CFAP299: variants seen among roughly 807,000 people sequenced by gnomAD.
CFAP299 encodes cilia and flagella associated protein 299, also known as cilia- and flagella-associated protein 299.
CFAP299 carries 21 observed loss-of-function variants against 27.0 expected under a neutral mutation model. The ratio of observed to expected loss-of-function variants is 0.78; its 90% confidence interval spans 0.55 to 1.12. CFAP299 has a LOEUF of 1.12. Ranked by LOEUF, CFAP299 falls within the 50% of genes most tolerant of loss-of-function variation. CFAP299 has a pLI of 0.00. For missense variants in CFAP299, 310 were observed against 276.6 expected (o/e 1.12, Z -0.86); for synonymous variants, 104 against 98.1 (o/e 1.06, Z -0.36).
At chr4:80,778,621 A>G (rs778534323) in intron 3 of CFAP299, among the ~76,000 whole-genome samples, 12 of 152,002 alleles carry the variant, frequency 7.9e-5, no homozygotes, top group Non-Finnish European at 1.5e-4. Context: ...TCTTCTATCC[A>G]TATCGCATGC....
intron 3 of CFAP299, among the ~76,000 whole-genome samples, chr4:80,758,689 A>G (rs919367716): frequency 3.9e-5 from 6 of 152,212 alleles, no homozygotes; most frequent in African/African-American, 1.4e-4. Flanking sequence ...AAATGGCAGC[A>G]TTTTGGTCTT....
chr4:80,341,847 T>C (rs941871642), intron 1 of CFAP299, among the ~76,000 whole-genome samples: 2 of 152,180 alleles, frequency 1.3e-5, no homozygotes, highest in African/African-American at 4.8e-5. Context: ...AGAGGTAGGC[T>C]TCACAAGTTG....
intron 2 of CFAP299, among the ~76,000 whole-genome samples, chr4:80,437,410 T>A (rs1221042389): frequency 6.6e-6 from 1 of 152,188 alleles, no homozygotes; most frequent in Non-Finnish European, 1.5e-5. Context: ...AAGGTCAATT[T>A]ATTATTCACA....
At chr4:80,779,441 CG>C (rs1391580084) in intron 3 of CFAP299, among the ~76,000 whole-genome samples, 1 of 152,032 alleles carries the variant, frequency 6.6e-6, no homozygotes, top group Non-Finnish European at 1.5e-5. Flanking sequence ...AAATTAAATG[CG>C]ACCAGGCAAG....
At chr4:80,375,174 G>A (rs1431414603) in intron 2 of CFAP299, among the ~76,000 whole-genome samples, 1 of 152,152 alleles carries the variant, frequency 6.6e-6, no homozygotes, top group Non-Finnish European at 1.5e-5. Context: ...GACATATTGT[G>A]TGAAACCAGA....
intron 2 of CFAP299, among the ~76,000 whole-genome samples, chr4:80,542,008 C>T (rs1734016915): frequency 6.6e-6 from 1 of 151,824 alleles, no homozygotes; most frequent in African/African-American, 2.4e-5. Flanking sequence ...AAGGCATATT[C>T]ATAAGAAAAA....
intron 3 of CFAP299, among the ~76,000 whole-genome samples, chr4:80,688,034 G>T (rs1317923037): frequency 6.6e-6 from 1 of 152,226 alleles, no homozygotes; most frequent in Non-Finnish European, 1.5e-5. Context: ...GGCTCGGAGG[G>T]TCCTACACCC....
chr4:80,816,142 T>A lies in CFAP299; in HGVS notation c.334-53851T>A, dbSNP rs377683240. On this transcript the variant is annotated intron_variant, in intron 3 of 5. Transcript: ENST00000358105. The stretch of plus-strand genomic sequence containing the variant: ...AGTACATCAAAATATGAGAATAAGA[T>A]TTAAAAAACAGATACCCTCTTTGGA... Among the ~76,000 whole-genome samples, 23 of 152,038 alleles carry A rather than the reference T, an allele frequency of 1.5e-4. 1 individual carries two copies. Among genetic ancestry groups the A allele is most frequent in the South Asian group, 1.5e-3 (7 of 4,824 alleles).
At chr4:80,501,759 AC>A (rs1366443814) in intron 2 of CFAP299, among the ~76,000 whole-genome samples, 4 of 151,676 alleles carry the variant, frequency 2.6e-5, no homozygotes, top group Non-Finnish European at 5.9e-5. Context: ...AAAATTTGTC[AC>A]CTTTACTTTT....
intron 1 of CFAP299, among the ~76,000 whole-genome samples, chr4:80,361,348 A>G (rs1336965026): frequency 6.6e-6 from 1 of 152,242 alleles, no homozygotes; most frequent in African/African-American, 2.4e-5. Context: ...AGGAATTTAT[A>G]TTCCTACAGA....
At chr4:80,505,493 T>G (rs1308287854) in intron 2 of CFAP299, among the ~76,000 whole-genome samples, 1 of 152,220 alleles carries the variant, frequency 6.6e-6, no homozygotes, top group Non-Finnish European at 1.5e-5. Flanking sequence ...AAAAAAGGAC[T>G]ATTGTAGAAA....
chr4:80,781,370 G>T (rs559302444), intron 3 of CFAP299, among the ~76,000 whole-genome samples: 2 of 152,134 alleles, frequency 1.3e-5, no homozygotes, highest in African/African-American at 2.4e-5. Flanking sequence ...AATAAGAGAG[G>T]TGTATGTGAT....
At chr4:80,398,641 A>T (rs1426873397) in intron 2 of CFAP299, among the ~76,000 whole-genome samples, 6 of 152,222 alleles carry the variant, frequency 3.9e-5, no homozygotes, top group Admixed American at 3.9e-4. Context: ...GGCCACATGT[A>T]GAAAGCTGAA....
At chr4:80,932,702 A>G (rs1736681171) in intron 4 of CFAP299, among the ~76,000 whole-genome samples, 1 of 152,158 alleles carries the variant, frequency 6.6e-6, no homozygotes, top group Non-Finnish European at 1.5e-5. Context: ...CTATGGCAAA[A>G]CTTTGGAAGC....
intron 3 of CFAP299, among the ~76,000 whole-genome samples, chr4:80,612,021 T>G (rs911071131): frequency 2.0e-5 from 3 of 152,126 alleles, no homozygotes; most frequent in Non-Finnish European, 1.5e-5. Flanking sequence ...ATGATGGTCA[T>G]GCTCTAAAGC....
At chr4:80,684,440 T>A (rs1162862547) in intron 3 of CFAP299, among the ~76,000 whole-genome samples, 1 of 152,012 alleles carries the variant, frequency 6.6e-6, no homozygotes, top group Non-Finnish European at 1.5e-5. Flanking sequence ...ATTTTTTGTA[T>A]TTTTTTAGTA....
At chr4:80,388,272 A>T (rs1725129972) in intron 2 of CFAP299, 2 of 687,850 alleles carry the variant, frequency 2.9e-6, no homozygotes, top group Admixed American at 2.0e-5. Context: ...TGGTCCAGGG[A>T]TGTGAAGCCT....
intron 2 of CFAP299, among the ~76,000 whole-genome samples, chr4:80,558,593 C>T (rs1043814752): frequency 2.0e-5 from 3 of 151,232 alleles, no homozygotes; most frequent in Non-Finnish European, 2.9e-5. Context: ...CAAATAAGAG[C>T]GTCAGGCAGA....
In CFAP299 at chr4:80,919,025, G is replaced by A. The variant is rs529915414; in HGVS notation, c.477-25785G>A. On this transcript the variant is annotated intron_variant, in intron 4 of 5. Coordinates refer to ENST00000358105, the MANE Select transcript of CFAP299 (RefSeq NM_152770.3). ...GGTGAAAGAAAAGCCCCCCAGAACA[G>A]CAAGTATAACTTGCTGGGTTTGTAA... 1.1e-3 allele frequency among the ~76,000 whole-genome samples: 167 copies of A among 152,236 alleles called. 1 individual carries two copies. The highest frequency in any genetic ancestry group is 3.7e-3 in the African/African-American group (152 of 41,562).
Sources: allele counts gnomAD v4.1 joint callset (sites outside exome capture counted in the v4.1 genomes callset), GRCh38; gene constraint gnomAD v4.1.1; transcripts MANE v1.5; gene names NCBI Gene and HGNC (gene_info 2026-07-23, HGNC 2026-07-21).